PCDH7: variants seen among roughly 807,000 people sequenced by gnomAD.
PCDH7 encodes protocadherin 7.
Under a neutral mutation model 58.9 loss-of-function variants are expected in PCDH7, and 17 were observed. The observed-to-expected ratio is 0.29, with a 90% CI of 0.20 to 0.43. PCDH7 has a LOEUF of 0.43. PCDH7 is among the 20% of genes least tolerant of loss of function. The pLI is 1.00. For synonymous variants in PCDH7, 664 were observed against 616.4 expected, an observed-to-expected ratio of 1.08 and a Z score of -1.14; for missense variants, 1,274 against 1,441.0, an observed-to-expected ratio of 0.88 and a Z score of 1.88.
chr4:31,039,594 A>G (rs962731593), intron 3 of PCDH7, among the ~76,000 whole-genome samples: 1 of 152,120 alleles, frequency 6.6e-6, no homozygotes, highest in African/African-American at 2.4e-5. Context: ...CCTCTTCTCT[A>G]CAGTGCCCAG....
chr4:31,072,715 T>A (rs1198717923), intron 3 of PCDH7, among the ~76,000 whole-genome samples: 1 of 152,108 alleles, frequency 6.6e-6, no homozygotes, highest in South Asian at 2.1e-4. Context: ...TATTGGAATG[T>A]GTCAAATATA....
chr4:30,730,733 C>CT (rs1560308951), intron 1 of PCDH7: 3 of 1,561,456 alleles, frequency 1.9e-6, no homozygotes, highest in Admixed American at 3.8e-5. Context: ...CTGCATAAAT[C>CT]TTTATTTTCC....
intron 3 of PCDH7, among the ~76,000 whole-genome samples, chr4:31,008,143 A>C (rs1578548242): frequency 6.6e-6 from 1 of 152,286 alleles, no homozygotes; most frequent in Middle Eastern, 3.4e-3. Context: ...GGAGAGGAGA[A>C]AAGGTGCATT....
chr4:30,873,448 A>T (rs949861330), intron 1 of PCDH7, among the ~76,000 whole-genome samples: 1 of 152,158 alleles, frequency 6.6e-6, no homozygotes, highest in Non-Finnish European at 1.5e-5. Context: ...ACCCAATGTT[A>T]TGTTAAAATT....
At chr4:30,763,188 C>G (rs1330485157) in intron 1 of PCDH7, among the ~76,000 whole-genome samples, 1 of 152,136 alleles carries the variant, frequency 6.6e-6, no homozygotes, top group African/African-American at 2.4e-5. Context: ...GCACATTGCA[C>G]TCCGGCCTGG....
At chr4:30,986,286 G>T (rs1221265832) in intron 3 of PCDH7, among the ~76,000 whole-genome samples, 1 of 151,996 alleles carries the variant, frequency 6.6e-6, no homozygotes, top group Non-Finnish European at 1.5e-5. Context: ...ATTCAGGTCT[G>T]TCCTTTCTTC....
At chr4:30,827,398 T>C (rs1729238495) in intron 1 of PCDH7, among the ~76,000 whole-genome samples, 1 of 152,184 alleles carries the variant, frequency 6.6e-6, no homozygotes, top group African/African-American at 2.4e-5. Context: ...TCTCTGTCTG[T>C]AAAGACTATT....
intron 3 of PCDH7, among the ~76,000 whole-genome samples, chr4:31,022,876 G>A (rs1490977471): frequency 1.3e-5 from 2 of 152,018 alleles, no homozygotes; most frequent in South Asian, 2.1e-4. Context: ...AGAATAATAC[G>A]GTGAGTGTGA....
At chr4:30,860,316 A>T (rs1734032001) in intron 1 of PCDH7, among the ~76,000 whole-genome samples, 1 of 152,126 alleles carries the variant, frequency 6.6e-6, no homozygotes. Context: ...GAACTCTCTG[A>T]TTGTCAAAAA....
chr4:31,066,385 A>C (rs1758095423), intron 3 of PCDH7, among the ~76,000 whole-genome samples: 1 of 152,060 alleles, frequency 6.6e-6, no homozygotes, highest in African/African-American at 2.4e-5. Context: ...TCCTTCAAAA[A>C]AAGACTTAGA....
At chr4:31,040,004 A>C (rs546752159) in intron 3 of PCDH7, among the ~76,000 whole-genome samples, 20 of 152,306 alleles carry the variant, frequency 1.3e-4, no homozygotes, top group Non-Finnish European at 2.4e-4. Context: ...GGGTTCCAAG[A>C]TGATATAGTG....
chr4:30,927,427 G>A (rs932808050), intron 2 of PCDH7, among the ~76,000 whole-genome samples: 5 of 151,798 alleles, frequency 3.3e-5, no homozygotes, highest in African/African-American at 9.7e-5. Context: ...GGGGAAAGGT[G>A]GGGAAAAGAT....
intron 3 of PCDH7, among the ~76,000 whole-genome samples, chr4:31,050,062 G>T (rs988522622): frequency 3.9e-5 from 6 of 152,032 alleles, no homozygotes; most frequent in African/African-American, 1.4e-4. Context: ...AGAGAGATAT[G>T]GGCATATCTC....
intron 1 of PCDH7, among the ~76,000 whole-genome samples, chr4:30,860,621 A>C (rs1478817898): frequency 6.6e-6 from 1 of 152,024 alleles, no homozygotes; most frequent in African/African-American, 2.4e-5. Context: ...CCACATGATT[A>C]CCCTCTTGCC....
intron 3 of PCDH7, among the ~76,000 whole-genome samples, chr4:30,962,614 C>G (rs1251308473): frequency 2.0e-5 from 3 of 151,592 alleles, no homozygotes; most frequent in Non-Finnish European, 4.4e-5. Flanking sequence ...TAAGGAGACT[C>G]CATCTCTACA....
intron 3 of PCDH7, among the ~76,000 whole-genome samples, chr4:31,011,104 G>A (rs1171923375): frequency 1.3e-5 from 2 of 151,838 alleles, no homozygotes; most frequent in Non-Finnish European, 2.9e-5. Context: ...TAACCATTGT[G>A]ATCAAAATAA....
intron 1 of PCDH7, among the ~76,000 whole-genome samples, chr4:30,901,490 G>T (rs1463171481): frequency 6.6e-6 from 1 of 152,078 alleles, no homozygotes; most frequent in Non-Finnish European, 1.5e-5. Context: ...GTTAGGATGT[G>T]GTTCAGACAT....
At chr4:30,802,193 A>G (rs1237330321) in intron 1 of PCDH7, among the ~76,000 whole-genome samples, 2 of 152,228 alleles carry the variant, frequency 1.3e-5, no homozygotes, top group Non-Finnish European at 2.9e-5. Flanking sequence ...ATGAATTCAT[A>G]TCAAAGCCAA....
chr4:30,943,299 C>A (rs1306864609), intron 2 of PCDH7, among the ~76,000 whole-genome samples: 1 of 152,032 alleles, frequency 6.6e-6, no homozygotes, highest in Non-Finnish European at 1.5e-5. Context: ...GCAACAAAAT[C>A]AATATATTAC....
Sources: gnomAD v4.1 joint callset for allele counts (sites outside exome capture counted in the v4.1 genomes callset) on GRCh38, gnomAD v4.1.1 for gene constraint, MANE v1.5 for transcripts, NCBI Gene and HGNC (gene_info 2026-07-23, HGNC 2026-07-21) for gene names.